IFT140: variants seen among roughly 807,000 people sequenced by gnomAD.
IFT140 encodes intraflagellar transport 140, also known as intraflagellar transport protein 140 homolog.
A neutral mutation model predicts 164.6 loss-of-function variants in IFT140; 133 were observed. The observed-to-expected ratio is 0.81, with a 90% CI of 0.70 to 0.93. The LOEUF (loss-of-function observed/expected upper bound fraction) is 0.93. IFT140 is among the 40% of genes least tolerant of loss of function. The pLI is 0.00. For synonymous variants in IFT140, 860 were observed against 817.3 expected (o/e 1.05, Z -0.89); for missense variants, 2,045 against 1,972.3 (o/e 1.04, Z -0.70).
chr16:1,592,176 C>T lies in IFT140; in HGVS notation c.634G>A (p.Gly212Arg), dbSNP rs201188361. 1.0e-4 allele frequency: 167 copies of T among 1,614,024 alleles called. No individual in the cohort carries two copies. The highest frequency in any genetic ancestry group is 1.6e-4 in the Middle Eastern group (1 of 6,084). The change falls in exon 6 of 31, where the codon GGG (glycine) becomes AGG (arginine). Residue 212 changes from glycine to arginine, a missense_variant and splice_region_variant. Coordinates refer to ENST00000426508, the MANE Select transcript of IFT140 (RefSeq NM_014714.4). Reference sequence around the variant, plus strand: ...GAGAATCACAACCAAAGTTCCTCACCGTCCATCAGACTGACAAAGAACAAC... The same window carrying T: ...GAGAATCACAACCAAAGTTCCTCACTGTCCATCAGACTGACAAAGAACAAC... ...GLLFFVSLMD[G>R]TVHYVDEKGK...
chr16:1,553,703 T>C lies in IFT140; in HGVS notation c.2399+4232A>G. ...GGCTGAAGGCTGGCTGGAGGCCCCA[T>C]GGCCTCCAGGACAATCTGTGGCCAC... is the stretch of plus-strand genomic sequence containing the variant. On this transcript the variant is annotated intron_variant, in intron 19 of 30. Coordinates refer to ENST00000426508, the MANE Select transcript of IFT140 (RefSeq NM_014714.4). The surrounding 1 kb of genome is among the most constrained non-coding windows in gnomAD (Gnocchi z 4.4). The C allele has an allele frequency of 1.9e-6, 2 of 1,080,136 alleles. No homozygotes were observed. Among genetic ancestry groups the C allele is most frequent in the Middle Eastern group, 4.6e-4 (1 of 2,194 alleles). The allele number at this position is 1,080,136 out of a possible 1,614,324, so 66.9% of individuals were successfully genotyped here.
At chr16:1,586,805 C>T (rs1271045192) in intron 9 of IFT140, among the ~76,000 whole-genome samples, 1 of 152,228 alleles carries the variant, frequency 6.6e-6, no homozygotes, top group East Asian at 1.9e-4. Context: ...CTCCCAGGCT[C>T]AAGCAATCCT....
At chr16:1,514,494 C>T (rs1243420198) in intron 30 of IFT140, 3 of 152,194 alleles carry the variant, frequency 2.0e-5, no homozygotes, top group Admixed American at 1.3e-4. Flanking sequence ...ATGCTGCCCT[C>T]GTCACTAGTT....
At chr16:1,584,632 T>C (rs1410744477) in intron 10 of IFT140, among the ~76,000 whole-genome samples, 1 of 152,194 alleles carries the variant, frequency 6.6e-6, no homozygotes, top group Non-Finnish European at 1.5e-5. Context: ...ATACTGATGC[T>C]CAAGGGTTGT....
rs1411404819 is a variant in IFT140 at position 1,553,056 on chromosome 16, T to C, written c.2399+4879A>G. The C allele has an allele frequency of 2.2e-5, 22 of 985,328 alleles. No homozygotes were observed. The highest frequency in any genetic ancestry group is 2.7e-5 in the Non-Finnish European group (22 of 829,934). The allele number at this position is 985,328 out of a possible 1,614,324, so 61.0% of individuals were successfully genotyped here. ...TGAACACAGAAACCAGTCACTGTCATTGTTCAGGACAAAATGGAGATAGAT... is the reference window on the plus strand; with the variant it reads ...TGAACACAGAAACCAGTCACTGTCACTGTTCAGGACAAAATGGAGATAGAT... On this transcript the variant is annotated intron_variant, in intron 19 of 30. Transcript: ENST00000426508. The surrounding 1 kb of genome is among the most constrained non-coding windows in gnomAD (Gnocchi z 4.4).
Position 1,553,127 on chromosome 16 carries a change from G to T in IFT140, c.2399+4808C>A, listed in dbSNP as rs532039270. 2.4e-4 allele frequency: 236 copies of T among 985,296 alleles called. No homozygotes were observed. Among genetic ancestry groups the T allele is most frequent in the Non-Finnish European group, 6.1e-5 (51 of 829,946 alleles). 61.0% of individuals were successfully genotyped at this position (985,296 alleles called of 1,614,324 possible). Reference sequence around the variant, plus strand: ...CTGGAGGGTACAGTGATGATGAAAAGATAATGCTTGGGTTTTTAGGAAAAA... The same window carrying T: ...CTGGAGGGTACAGTGATGATGAAAATATAATGCTTGGGTTTTTAGGAAAAA... On this transcript the variant is annotated intron_variant, in intron 19 of 30. Coordinates refer to ENST00000426508, the MANE Select transcript of IFT140 (RefSeq NM_014714.4). The surrounding 1 kb of genome is among the most constrained non-coding windows in gnomAD (Gnocchi z 4.4).
intron 30 of IFT140, among the ~76,000 whole-genome samples, chr16:1,513,704 T>C (rs67974359): frequency 0.44 from 65,570 of 149,010 alleles, 17,414 homozygotes; most frequent in African/African-American, 0.75. Context: ...GACGGAGTCT[T>C]GCTGTGTCGC....
intron 19 of IFT140, chr16:1,541,033 C>G: frequency 1.0e-6 from 1 of 985,440 alleles, no homozygotes. Flanking sequence ...TTCTCTGCTA[C>G]AGAAACGTGA....
rs767520111 is a variant in IFT140, at chr16:1,584,200, G to A, written c.1359+17C>T. 39 of 1,608,170 alleles carry A rather than the reference G, an allele frequency of 2.4e-5. No individual in the cohort carries two copies. The East Asian group carries it at 4.5e-4, about 18-fold the overall frequency. On this transcript the variant is annotated intron_variant, in intron 11 of 30. Coordinates refer to ENST00000426508, the MANE Select transcript of IFT140 (RefSeq NM_014714.4). The stretch of plus-strand genomic sequence containing the variant: ...TCTTCTGTCTGTGTCCCACCCACGG[G>A]TCCCCTCGGCAGTCACCTTGGTGGC...
chr16:1,524,747 C>G (rs201097047), intron 23 of IFT140, 37 bp downstream of exon 23: 4 of 1,586,536 alleles, frequency 2.5e-6, no homozygotes, highest in South Asian at 1.1e-5. Context: ...GTGTCTGCCT[C>G]GTGTCCGCCT....
At chr16:1,538,493 C>T (rs889183070) in intron 19 of IFT140, among the ~76,000 whole-genome samples, 1 of 152,200 alleles carries the variant, frequency 6.6e-6, no homozygotes, top group Non-Finnish European at 1.5e-5. Flanking sequence ...CCTCCCAGGG[C>T]AGCTCTGCAT....
chr16:1,577,919 G>C (rs960614344), intron 13 of IFT140: 1 of 152,142 alleles, frequency 6.6e-6, no homozygotes, highest in African/African-American at 2.4e-5. Flanking sequence ...GCAATGGGAG[G>C]AGTCAGAGAG....
At chr16:1,515,906 C>T (rs546406496) in intron 30 of IFT140, among the ~76,000 whole-genome samples, 74 of 151,908 alleles carry the variant, frequency 4.9e-4, no homozygotes, top group Non-Finnish European at 8.4e-4. Flanking sequence ...TTTGGGAGGC[C>T]GAGGCAGGCA....
intron 10 of IFT140, among the ~76,000 whole-genome samples, chr16:1,585,174 C>T (rs748760109): frequency 2.6e-5 from 4 of 152,188 alleles, no homozygotes; most frequent in Non-Finnish European, 5.9e-5. Context: ...TTCAAATGTC[C>T]ATCAACTGAT....
chr16:1,526,506 T>C, intron 20 of IFT140, 113 bp downstream of exon 20: 11 of 1,145,574 alleles, frequency 9.6e-6, no homozygotes, highest in African/African-American at 1.6e-5. Flanking sequence ...CTCTCGGCTC[T>C]GCCCACATCA....
At chr16:1,512,425 AGC>A (rs1053002810) in intron 30 of IFT140, among the ~76,000 whole-genome samples, 1 of 152,110 alleles carries the variant, frequency 6.6e-6, no homozygotes, top group African/African-American at 2.4e-5. Context: ...GCAGCCAGGG[AGC>A]GTGTGCCTGG....
intron 19 of IFT140, chr16:1,557,409 T>C (rs2033159031): frequency 6.4e-6 from 1 of 155,758 alleles, no homozygotes. Context: ...TCCGGCAACC[T>C]AAGGCCACAC....
chr16:1,587,177 T>C (rs113490638), intron 9 of IFT140, 21 bp downstream of exon 9: 1 of 1,479,876 alleles, frequency 6.8e-7, no homozygotes, highest in Non-Finnish European at 9.4e-7. Flanking sequence ...GTTTCTCTTG[T>C]GCCAGGCCAG....
intron 17 of IFT140, among the ~76,000 whole-genome samples, chr16:1,563,107 G>A (rs2033507496): frequency 6.6e-6 from 1 of 151,974 alleles, no homozygotes; most frequent in African/African-American, 2.4e-5. Context: ...CCGGGTGTCA[G>A]CCCGCCCATC....
Sources: gnomAD v4.1 joint callset for allele counts (sites outside exome capture counted in the v4.1 genomes callset) on GRCh38, gnomAD v4.1.1 for gene constraint, Gnocchi (gnomAD v3.1) non-coding constraint, MANE v1.5 for transcripts, NCBI Gene and HGNC (gene_info 2026-07-23, HGNC 2026-07-21) for gene names.